AFG2A: variants seen among roughly 807,000 people sequenced by gnomAD.
AFG2A encodes the protein ATPase family gene 2 protein homolog A.
At chr4:123,002,315 A>T in the AFG2A span, among the ~76,000 whole-genome samples, 520 of 152,108 alleles carry the variant, frequency 3.4e-3, 7 homozygotes, top group Admixed American at 0.03. Flanking sequence ...TTTAAAGTTA[A>T]TATCGTTATG....
chr4:123,252,968 G>C, the AFG2A span, among the ~76,000 whole-genome samples: 1 of 152,158 alleles, frequency 6.6e-6, no homozygotes, highest in East Asian at 1.9e-4. Context: ...TTGTTGAGTA[G>C]TATTCCATTA....
the AFG2A span, among the ~76,000 whole-genome samples, chr4:122,942,435 T>C: frequency 6.6e-6 from 1 of 151,452 alleles, no homozygotes; most frequent in Non-Finnish European, 1.5e-5. Context: ...GTGTTTGTAG[T>C]ATTCTCTGAT....
the AFG2A span, among the ~76,000 whole-genome samples, chr4:122,996,882 G>A: frequency 6.6e-6 from 1 of 152,112 alleles, no homozygotes; most frequent in Admixed American, 6.6e-5. Flanking sequence ...CCAAGGACAG[G>A]TAAAGAAGGG....
the AFG2A span, among the ~76,000 whole-genome samples, chr4:123,138,855 G>T: frequency 6.6e-6 from 1 of 151,630 alleles, no homozygotes; most frequent in East Asian, 1.9e-4. Context: ...TTTTTTCTTA[G>T]GATACCAGAG....
the AFG2A span, among the ~76,000 whole-genome samples, chr4:123,238,775 TCTC>T: frequency 6.6e-6 from 1 of 152,034 alleles, no homozygotes; most frequent in African/African-American, 2.4e-5. Context: ...GAGCGCCTCT[TCTC>T]CTCCAAAGGA....
chr4:122,975,868 G>A, the AFG2A span, among the ~76,000 whole-genome samples: 7 of 152,016 alleles, frequency 4.6e-5, no homozygotes, highest in Admixed American at 2.0e-4. Flanking sequence ...AAAGCAAGTG[G>A]GTATTTGTAA....
the AFG2A span, among the ~76,000 whole-genome samples, chr4:123,303,498 G>T: frequency 6.6e-6 from 1 of 152,144 alleles, no homozygotes; most frequent in South Asian, 2.1e-4. Flanking sequence ...GGGCATGGTG[G>T]CTCACGCCTA....
At chr4:123,221,147 G>GT in the AFG2A span, among the ~76,000 whole-genome samples, 5 of 151,968 alleles carry the variant, frequency 3.3e-5, no homozygotes, top group Non-Finnish European at 5.9e-5. Flanking sequence ...GGAGATGTGA[G>GT]TTTTTTGTTG....
At chr4:122,923,225 C>A in the AFG2A span, 3 of 1,614,172 alleles carry the variant, frequency 1.9e-6, no homozygotes, top group Non-Finnish European at 2.5e-6. Context: ...TCCTCTTGTG[C>A]GGAGGCACGG....
the AFG2A span, among the ~76,000 whole-genome samples, chr4:123,291,330 A>G: frequency 6.6e-6 from 1 of 152,148 alleles, no homozygotes; most frequent in African/African-American, 2.4e-5. Context: ...CAACATTAAT[A>G]TTGATATGTG....
At chr4:122,948,361 A>G in the AFG2A span, among the ~76,000 whole-genome samples, 2 of 149,472 alleles carry the variant, frequency 1.3e-5, no homozygotes, top group African/African-American at 2.5e-5. Flanking sequence ...AGGGATGACT[A>G]TATCCTACTA....
chr4:123,110,563 G>GTAT, the AFG2A span, among the ~76,000 whole-genome samples: 5 of 151,930 alleles, frequency 3.3e-5, no homozygotes. Context: ...ATTTTGTTAG[G>GTAT]TATTATATTT....
the AFG2A span, among the ~76,000 whole-genome samples, chr4:122,956,737 A>T: frequency 6.6e-6 from 1 of 152,176 alleles, no homozygotes; most frequent in East Asian, 1.9e-4. Flanking sequence ...AGTAGTTTTT[A>T]AAAAGATTAG....
the AFG2A span, among the ~76,000 whole-genome samples, chr4:123,098,788 C>G: frequency 2.6e-5 from 4 of 151,910 alleles, no homozygotes; most frequent in African/African-American, 9.7e-5. Context: ...TAGGTTGATT[C>G]CATGACTTGG....
chr4:123,279,575 A>C, the AFG2A span, among the ~76,000 whole-genome samples: 1 of 152,188 alleles, frequency 6.6e-6, no homozygotes, highest in Non-Finnish European at 1.5e-5. Context: ...AAAGTTTTCT[A>C]ATAGGTATAG....
the AFG2A span, among the ~76,000 whole-genome samples, chr4:123,266,355 A>G: frequency 6.6e-6 from 1 of 152,110 alleles, no homozygotes; most frequent in African/African-American, 2.4e-5. Context: ...ATTAGATGAC[A>G]TAATTTATAT....
chr4:123,108,101 A>G, the AFG2A span, among the ~76,000 whole-genome samples: 1 of 152,174 alleles, frequency 6.6e-6, no homozygotes, highest in East Asian at 1.9e-4. Context: ...CAGAGCTTGC[A>G]ACTCTAGCCG....
At chr4:123,150,898 A>G in the AFG2A span, among the ~76,000 whole-genome samples, 3 of 152,234 alleles carry the variant, frequency 2.0e-5, no homozygotes, top group Non-Finnish European at 4.4e-5. Flanking sequence ...CCAAAGCAGC[A>G]TGGTACTGGT....
the AFG2A span, among the ~76,000 whole-genome samples, chr4:123,251,442 A>T: frequency 6.6e-5 from 10 of 152,200 alleles, no homozygotes; most frequent in Non-Finnish European, 1.3e-4. Context: ...TAGTAAAATT[A>T]AAAAGGACTG....
Sources: allele counts gnomAD v4.1 joint callset (sites outside exome capture counted in the v4.1 genomes callset), GRCh38; gene constraint gnomAD v4.1.1; transcripts MANE v1.5; gene names NCBI Gene and HGNC (gene_info 2026-07-23, HGNC 2026-07-21).